The following CSGALNACT1 variants were observed in gnomAD, a reference collection of about 807,000 sequenced individuals.
CSGALNACT1 encodes chondroitin sulfate N-acetylgalactosaminyltransferase 1.
In CSGALNACT1, 52 loss-of-function variants were observed where a neutral mutation model predicts 51.0. The observed-to-expected ratio is 1.02, with a 90% CI of 0.82 to 1.29. The LOEUF (loss-of-function observed/expected upper bound fraction) is 1.29, where lower values mean the gene tolerates loss of function less well. CSGALNACT1 is among the 50% of genes most tolerant of loss of function. The pLI is 0.00. For missense variants in CSGALNACT1, 935 were observed against 679.2 expected (o/e 1.38, Z -4.19); for synonymous variants, 341 against 254.4 (o/e 1.34, Z -3.24).
intron 8 of CSGALNACT1, among the ~76,000 whole-genome samples, chr8:19,415,594 T>G (rs1040055747): frequency 6.6e-6 from 1 of 152,220 alleles, no homozygotes; most frequent in Admixed American, 6.5e-5. Flanking sequence ...TCTGATTCCC[T>G]TCGCAACTCC....
chr8:19,662,851 C>A (rs1038818054), intron 1 of CSGALNACT1, among the ~76,000 whole-genome samples: 1 of 152,156 alleles, frequency 6.6e-6, no homozygotes, highest in Admixed American at 6.5e-5. Flanking sequence ...TATTCTCCCC[C>A]CATTCAGGAG....
chr8:19,423,125 C>T (rs1490903078), intron 6 of CSGALNACT1, among the ~76,000 whole-genome samples: 1 of 152,152 alleles, frequency 6.6e-6, no homozygotes, highest in African/African-American at 2.4e-5. Flanking sequence ...GAGAGTTCAA[C>T]TACAAAAATA....
In CSGALNACT1 at chr8:19,533,480, C is replaced by G. The variant is rs568744727; in HGVS notation, c.-296-27350G>C. Reference sequence around the variant, plus strand: ...TTTTTAATTTATGCTTTTCCAAATCCTACTCTTCCAAGACTTATCAATATC... The same window carrying G: ...TTTTTAATTTATGCTTTTCCAAATCGTACTCTTCCAAGACTTATCAATATC... On this transcript the variant is annotated intron_variant, in intron 3 of 9. Coordinates refer to ENST00000454498, the Ensembl canonical transcript of CSGALNACT1. 3.9e-5 allele frequency among the ~76,000 whole-genome samples: 6 copies of G among 152,126 alleles called. No homozygotes were observed. The East Asian group carries it at 1.2e-3, about 29-fold the overall frequency.
chr8:19,581,775 C>T (rs2045629214), intron 3 of CSGALNACT1, among the ~76,000 whole-genome samples: 2 of 152,224 alleles, frequency 1.3e-5, no homozygotes, highest in East Asian at 3.9e-4. Flanking sequence ...GGACCCAAGG[C>T]CCATAAAGCA....
chr8:19,483,988 G>C (rs969496186), intron 4 of CSGALNACT1, among the ~76,000 whole-genome samples: 10 of 152,094 alleles, frequency 6.6e-5, no homozygotes, highest in African/African-American at 2.4e-4. Flanking sequence ...GAAATAAACA[G>C]TCCATCCTGT....
chr8:19,417,682 A>G (rs1310195131), intron 8 of CSGALNACT1, among the ~76,000 whole-genome samples: 1 of 152,208 alleles, frequency 6.6e-6, no homozygotes, highest in Non-Finnish European at 1.5e-5. Flanking sequence ...AGAGCTACCC[A>G]CAGCAAAGAA....
At chr8:19,747,041 C>A (rs571789944) in intron 1 of CSGALNACT1, among the ~76,000 whole-genome samples, 244 of 152,308 alleles carry the variant, frequency 1.6e-3, no homozygotes, top group African/African-American at 5.7e-3. Flanking sequence ...AGAAGCCCCT[C>A]CTCATGCTTT....
intron 1 of CSGALNACT1, among the ~76,000 whole-genome samples, chr8:19,644,276 T>A (rs913437495): frequency 1.3e-5 from 2 of 152,086 alleles, no homozygotes; most frequent in African/African-American, 4.8e-5. Context: ...TATAGGTAAC[T>A]TATTTTATTC....
intron 1 of CSGALNACT1, among the ~76,000 whole-genome samples, chr8:19,735,667 T>G (rs2063930365): frequency 6.6e-6 from 1 of 152,194 alleles, no homozygotes; most frequent in African/African-American, 2.4e-5. Context: ...AATAAAATTT[T>G]ATGTATTGAA....
intron 3 of CSGALNACT1, among the ~76,000 whole-genome samples, chr8:19,588,445 C>A (rs1005863183): frequency 2.6e-5 from 4 of 152,116 alleles, no homozygotes; most frequent in Non-Finnish European, 2.9e-5. Flanking sequence ...TCCAAGCAAA[C>A]TCAGAAAGAA....
chr8:19,431,967 T>C (rs2059714475), intron 6 of CSGALNACT1, among the ~76,000 whole-genome samples: 1 of 152,100 alleles, frequency 6.6e-6, no homozygotes. Context: ...AATTTTTTTC[T>C]ATGAAGCTGT....
chr8:19,649,497 G>C (rs1322568536), intron 1 of CSGALNACT1, among the ~76,000 whole-genome samples: 1 of 152,046 alleles, frequency 6.6e-6, no homozygotes, highest in Non-Finnish European at 1.5e-5. Flanking sequence ...TGTATATCAT[G>C]TATTTTTAAA....
At chr8:19,453,701 C>T (rs547409329) in intron 5 of CSGALNACT1, among the ~76,000 whole-genome samples, 96 of 152,228 alleles carry the variant, frequency 6.3e-4, no homozygotes, top group African/African-American at 2.3e-3. Context: ...CCCCTGAGGT[C>T]AGGAGTTCAA....
At chr8:19,594,904 T>C (rs372424113) in intron 2 of CSGALNACT1, among the ~76,000 whole-genome samples, 18 of 152,150 alleles carry the variant, frequency 1.2e-4, no homozygotes, top group African/African-American at 4.1e-4. Flanking sequence ...ACTCCTTTTA[T>C]ATACCTACCC....
chr8:19,638,546 A>C (rs1271021731), intron 1 of CSGALNACT1, among the ~76,000 whole-genome samples: 1 of 152,252 alleles, frequency 6.6e-6, no homozygotes, highest in Non-Finnish European at 1.5e-5. Flanking sequence ...GAAAGGGAAC[A>C]AGTGAAAAGG....
intron 1 of CSGALNACT1, among the ~76,000 whole-genome samples, chr8:19,735,882 T>C (rs1371093589): frequency 6.6e-6 from 1 of 152,152 alleles, no homozygotes; most frequent in Admixed American, 6.5e-5. Context: ...AGTGAACAAA[T>C]ATATAGCATA....
intron 6 of CSGALNACT1, among the ~76,000 whole-genome samples, chr8:19,436,302 C>T (rs543244752): frequency 3.3e-5 from 5 of 152,206 alleles, no homozygotes; most frequent in East Asian, 1.9e-4. Flanking sequence ...GTTTTAGGAG[C>T]GAGCATATTA....
intron 1 of CSGALNACT1, among the ~76,000 whole-genome samples, chr8:19,747,976 T>C (rs957397018): frequency 2.0e-5 from 3 of 152,202 alleles, no homozygotes; most frequent in Admixed American, 6.5e-5. Context: ...TTGGAGGTCA[T>C]AGGTATATCC....
At chr8:19,536,317 CTGAACT>C (rs1302451888) in intron 3 of CSGALNACT1, among the ~76,000 whole-genome samples, 1 of 146,114 alleles carries the variant, frequency 6.8e-6, no homozygotes, top group East Asian at 2.0e-4. Context: ...TCATTTTGCT[CTGAACT>C]TCAAAATTTT....
Sources: gnomAD v4.1 joint callset for allele counts (sites outside exome capture counted in the v4.1 genomes callset) on GRCh38, gnomAD v4.1.1 for gene constraint, MANE v1.5 for transcripts, NCBI Gene and HGNC (gene_info 2026-07-23, HGNC 2026-07-21) for gene names.